The following RNF115 variants were observed in gnomAD, a reference collection of about 807,000 sequenced individuals.
RNF115 encodes E3 ubiquitin-protein ligase RNF115.
A neutral mutation model predicts 39.2 loss-of-function variants in RNF115; 31 were observed. The observed-to-expected ratio is 0.79, with a 90% CI of 0.59 to 1.07. RNF115 has a LOEUF of 1.07. Ranked by LOEUF, RNF115 falls within the 50% of genes least tolerant of loss-of-function variation. The pLI, the probability that RNF115 is intolerant of heterozygous loss-of-function variation, is 0.00. For synonymous variants in RNF115, 124 were observed against 131.0 expected (o/e 0.95, Z 0.37); for missense variants, 384 against 381.7 (o/e 1.01, Z -0.05).
intron 4 of RNF115, among the ~76,000 whole-genome samples, chr1:145,758,448 A>C (rs1368285206): frequency 6.6e-6 from 1 of 152,156 alleles, no homozygotes; most frequent in Non-Finnish European, 1.5e-5. Context: ...CTTCACCAGA[A>C]CCATCTAGCT....
At chr1:145,759,452 A>T (rs1273062744) in intron 4 of RNF115, among the ~76,000 whole-genome samples, 2 of 152,018 alleles carry the variant, frequency 1.3e-5, no homozygotes, top group East Asian at 3.9e-4. Context: ...CAGGCCAAAA[A>T]CCTTGGTGTC....
At chr1:145,789,086 G>C (rs939587502) in intron 1 of RNF115, 120 bp from the exon 2 acceptor site, 21 of 636,842 alleles carry the variant, frequency 3.3e-5, no homozygotes, top group Admixed American at 8.4e-5. Context: ...TGTACTCGCT[G>C]ACTCAAGTAG....
At chr1:145,757,425 T>G (rs1161134913) in intron 4 of RNF115, among the ~76,000 whole-genome samples, 1 of 152,098 alleles carries the variant, frequency 6.6e-6, no homozygotes, top group Non-Finnish European at 1.5e-5. Flanking sequence ...CCCAGTGAGA[T>G]TCACAGGATA....
At chr1:145,767,991 G>A (rs989751822) in intron 4 of RNF115, among the ~76,000 whole-genome samples, 4 of 151,864 alleles carry the variant, frequency 2.6e-5, no homozygotes, top group South Asian at 2.1e-4. Context: ...GAGGGAGACC[G>A]TGGGGAGAGG....
chr1:145,748,773 T>A (rs1289958937), intron 7 of RNF115, among the ~76,000 whole-genome samples: 1 of 151,676 alleles, frequency 6.6e-6, no homozygotes, highest in Non-Finnish European at 1.5e-5. Flanking sequence ...TAAACCCACC[T>A]ACTCAGGAGG....
chr1:145,767,547 C>T (rs1194487070), intron 4 of RNF115, among the ~76,000 whole-genome samples: 5 of 152,028 alleles, frequency 3.3e-5, no homozygotes, highest in African/African-American at 4.8e-5. Flanking sequence ...CAGGCAGAGA[C>T]GCTCCTCACT....
intron 5 of RNF115, 77 bp downstream of exon 5, chr1:145,752,901 T>A (rs1354280755): frequency 1.9e-6 from 2 of 1,071,364 alleles, no homozygotes; most frequent in Non-Finnish European, 2.8e-6. Flanking sequence ...CAGCTCTTTT[T>A]CTCTACTGCA....
intron 3 of RNF115, among the ~76,000 whole-genome samples, chr1:145,782,731 C>G (rs1648205327): frequency 6.6e-6 from 1 of 152,184 alleles, no homozygotes; most frequent in Admixed American, 6.5e-5. Flanking sequence ...AAAGAAAAAT[C>G]AAATGAAATT....
chr1:145,775,445 G>C (rs1647839477), intron 3 of RNF115, among the ~76,000 whole-genome samples: 1 of 148,942 alleles, frequency 6.7e-6, no homozygotes, highest in African/African-American at 2.5e-5. Flanking sequence ...GCTCAGGCTG[G>C]AGTGCAACGC....
Position 145,751,442 on chromosome 1 carries a change from G to T in RNF115, c.569C>A (p.Thr190Asn), listed in dbSNP as rs1228646264. Residue 190 changes from threonine (T) to asparagine (N), a missense_variant, in exon 6 of 9, where the codon ACC becomes AAC. By Grantham distance (65) the Thr-to-Asn change is moderately conservative. Coordinates refer to ENST00000582693, the MANE Select transcript of RNF115 (RefSeq NM_014455.4). The part of the protein sequence containing the change: ...WGQTGLDAIV[T>N]QLLGQLENTG... ...CCTCAAAAGGCAGCTCCTCACCTGG[G>T]TTACAATGGCATCAAGCCCTGTCTG... The T allele has an allele frequency of 6.3e-7, 1 of 1,581,150 alleles. No individual in the cohort carries two copies. The highest frequency in any genetic ancestry group is 8.6e-7 in the Non-Finnish European group (1 of 1,162,808).
chr1:145,799,231 C>G (rs1454731483), intron 1 of RNF115, among the ~76,000 whole-genome samples: 3 of 152,000 alleles, frequency 2.0e-5, no homozygotes, highest in Non-Finnish European at 4.4e-5. Flanking sequence ...TCATGCCCAG[C>G]TAATTTTTGT....
chr1:145,756,413 T>C (rs1443612826), intron 4 of RNF115, among the ~76,000 whole-genome samples: 2 of 151,754 alleles, frequency 1.3e-5, no homozygotes, highest in Admixed American at 6.6e-5. Context: ...TGAGCCGAGA[T>C]TGCACCACTG....
rs1657747980 is a variant in RNF115 at position 145,743,500 on chromosome 1, C to G, written c.*3366G>C. ...CCAATTCCTTATAATAAATCTCAGGCTGGGCATGGTGGCTCCCGTCTGTAA... is the reference window on the plus strand; with the variant it reads ...CCAATTCCTTATAATAAATCTCAGGGTGGGCATGGTGGCTCCCGTCTGTAA... On this transcript the variant is annotated 3_prime_UTR_variant, in exon 9 of 9. Coordinates refer to ENST00000582693, the MANE Select transcript of RNF115 (RefSeq NM_014455.4). The G allele has an allele frequency of 6.6e-6, 1 of 152,196 alleles. No homozygotes were observed. The highest frequency in any genetic ancestry group is 1.5e-5 in the Non-Finnish European group (1 of 68,098). 9.4% of individuals were successfully genotyped at this position (152,196 alleles called of 1,614,324 possible).
Position 145,752,585 on chromosome 1 carries a change from C to CTTTTTTTTTTTTTTTTT in RNF115, c.500+376_500+392dup, listed in dbSNP as rs60257682. 1.7e-4 allele frequency among the ~76,000 whole-genome samples: 14 copies of CTTTTTTTTTTTTTTTTT among 83,762 alleles called. 1 individual carries two copies. Among genetic ancestry groups the CTTTTTTTTTTTTTTTTT allele is most frequent in the African/African-American group, 5.2e-4 (9 of 17,418 alleles). The allele number at this position is 83,762 out of a possible 152,430, so 55.0% of individuals were successfully genotyped here. On this transcript the variant is annotated intron_variant, in intron 5 of 8. Transcript: ENST00000582693. Reference sequence around the variant, plus strand: ...CATCTACATACTCACCTATGCAGCTCTTTTTTTTTTTTTTTTTTTTTGAGA... The same window carrying CTTTTTTTTTTTTTTTTT: ...CATCTACATACTCACCTATGCAGCTCTTTTTTTTTTTTTTTTTTTTTTTTTTTTTTTTTTTTTTGAGA...
At position 145,771,839 on chromosome 1, in the gene RNF115, A is replaced by G; in HGVS notation, c.300T>C (p.Asn100=). Residue 100 remains asparagine, a synonymous_variant, in exon 4 of 9, where the codon AAT becomes AAC. Coordinates refer to ENST00000582693, the MANE Select transcript of RNF115 (RefSeq NM_014455.4). Reference sequence around the variant, plus strand: ...TCTGGTGACCCCTTTCATTGGCTCTATTATCTTGGTCCAGTGGACTGCTAC... The same window carrying G: ...TCTGGTGACCCCTTTCATTGGCTCTGTTATCTTGGTCCAGTGGACTGCTAC... ...FLSSSPLDQD[N]RANERGHQTH... is the part of the protein sequence containing the mutation. The G allele has an allele frequency of 1.2e-6, 2 of 1,614,060 alleles. No individual in the cohort carries two copies. Among genetic ancestry groups the G allele is most frequent in the Non-Finnish European group, 1.7e-6 (2 of 1,179,960 alleles).
chr1:145,804,499 GCA>G (rs35848173), intron 1 of RNF115, among the ~76,000 whole-genome samples: 9,820 of 148,378 alleles, frequency 0.066, 388 homozygotes, highest in African/African-American at 0.12. Flanking sequence ...ATGCATGCAT[GCA>G]CACACACACA....
chr1:145,754,505 C>T (rs1658224210), intron 4 of RNF115, among the ~76,000 whole-genome samples: 1 of 152,140 alleles, frequency 6.6e-6, no homozygotes, highest in Non-Finnish European at 1.5e-5. Flanking sequence ...AGATGCACAC[C>T]ACCACGCCTG....
chr1:145,812,131 A>G (rs1553722754), intron 1 of RNF115, among the ~76,000 whole-genome samples: 2 of 147,092 alleles, frequency 1.4e-5, no homozygotes, highest in South Asian at 2.1e-4. Context: ...GCATGTAACT[A>G]TAATTGTTTT....
At chr1:145,817,969 A>C (rs1650063950) in intron 1 of RNF115, among the ~76,000 whole-genome samples, 1 of 129,178 alleles carries the variant, frequency 7.7e-6, no homozygotes, top group South Asian at 2.7e-4. Context: ...CCCATGATGT[A>C]TATGTACCAT....
Sources: gnomAD v4.1 joint callset for allele counts (sites outside exome capture counted in the v4.1 genomes callset) on GRCh38, gnomAD v4.1.1 for gene constraint, MANE v1.5 for transcripts, NCBI Gene and HGNC (gene_info 2026-07-23, HGNC 2026-07-21) for gene names.